DIP2C: variants seen among roughly 807,000 people sequenced by gnomAD.
DIP2C encodes DIP2 acetate--CoA ligase C (putative), also known as disco-interacting protein 2 homolog C.
Under a neutral mutation model 192.4 loss-of-function variants are expected in DIP2C, and 33 were observed. That is an observed-to-expected ratio of 0.17 (90% CI 0.13 to 0.23). The LOEUF is 0.23. DIP2C is among the 10% of genes least tolerant of loss of function. DIP2C has a pLI of 1.00. For synonymous variants in DIP2C, 979 were observed against 864.1 expected, an observed-to-expected ratio of 1.13 and a Z score of -2.33; for missense variants, 1,537 against 2,110.1, an observed-to-expected ratio of 0.73 and a Z score of 5.32.
intron 24 of DIP2C, among the ~76,000 whole-genome samples, chr10:350,382 T>C (rs1958732432): frequency 6.6e-6 from 1 of 152,222 alleles, no homozygotes; most frequent in East Asian, 1.9e-4. Context: ...AATTACAAAT[T>C]ATAAGCACGT....
intron 33 of DIP2C, among the ~76,000 whole-genome samples, chr10:286,588 A>T (rs1955148712): frequency 6.6e-6 from 1 of 152,210 alleles, no homozygotes; most frequent in Non-Finnish European, 1.5e-5. Flanking sequence ...TGACCTCAAA[A>T]TTAAACATTT....
intron 3 of DIP2C, among the ~76,000 whole-genome samples, chr10:444,147 C>T (rs1967962230): frequency 6.6e-6 from 1 of 152,196 alleles, no homozygotes; most frequent in Non-Finnish European, 1.5e-5. Context: ...ATGGTGTTCC[C>T]TCAAGAGACA....
At chr10:624,877 G>A (rs1280278797) in intron 1 of DIP2C, among the ~76,000 whole-genome samples, 2 of 152,102 alleles carry the variant, frequency 1.3e-5, no homozygotes, top group Middle Eastern at 3.2e-3. Flanking sequence ...GGAGAACCCG[G>A]GGGGGGAGCC....
At chr10:386,448 C>T (rs1035966141) in intron 14 of DIP2C, among the ~76,000 whole-genome samples, 1 of 152,188 alleles carries the variant, frequency 6.6e-6, no homozygotes, top group African/African-American at 2.4e-5. Flanking sequence ...TGCACCAGCA[C>T]ATAACGGTGC....
intron 19 of DIP2C, among the ~76,000 whole-genome samples, chr10:365,699 T>C (rs1456050112): frequency 6.6e-6 from 1 of 152,226 alleles, no homozygotes; most frequent in Non-Finnish European, 1.5e-5. Flanking sequence ...GAGCCCTTCA[T>C]TACACAGCAC....
chr10:518,442 C>T (rs1478218633), intron 1 of DIP2C, among the ~76,000 whole-genome samples: 2 of 152,238 alleles, frequency 1.3e-5, no homozygotes, highest in East Asian at 1.9e-4. Context: ...CCCCCAGAAA[C>T]GCACAGGTTG....
At chr10:407,007 T>TC (rs2133062260) in intron 9 of DIP2C, among the ~76,000 whole-genome samples, 1 of 151,960 alleles carries the variant, frequency 6.6e-6, no homozygotes, top group South Asian at 2.1e-4. Context: ...ACTCCCCACT[T>TC]CCCAAGCCCT....
At chr10:658,128 G>C (rs1308525290) in intron 1 of DIP2C, among the ~76,000 whole-genome samples, 16 of 122,196 alleles carry the variant, frequency 1.3e-4, no homozygotes, top group East Asian at 5.1e-4. Flanking sequence ...TGGACCTGCC[G>C]CTGGACCTGT....
chr10:376,292 G>A (rs958908967), intron 17 of DIP2C, among the ~76,000 whole-genome samples: 19 of 141,062 alleles, frequency 1.3e-4, no homozygotes, highest in East Asian at 2.1e-4. Flanking sequence ...GGCCCACCTC[G>A]GCCCCCGACG....
intron 3 of DIP2C, among the ~76,000 whole-genome samples, chr10:456,791 C>T (rs1435194399): frequency 2.6e-5 from 4 of 152,162 alleles, no homozygotes; most frequent in African/African-American, 9.7e-5. Context: ...TCCACCGTTT[C>T]GTTCTTTGGT....
chr10:336,139 T>C (rs952738850), intron 29 of DIP2C, among the ~76,000 whole-genome samples: 8 of 151,672 alleles, frequency 5.3e-5, no homozygotes, highest in African/African-American at 1.9e-4. Flanking sequence ...GAGGCTGAGG[T>C]GGGAGGATAG....
intron 5 of DIP2C, among the ~76,000 whole-genome samples, chr10:421,446 G>T (rs1439186779): frequency 6.6e-6 from 1 of 152,106 alleles, no homozygotes; most frequent in Non-Finnish European, 1.5e-5. Flanking sequence ...TGGCCTCCCC[G>T]TTCAGGTGCC....
chr10:571,012 T>C (rs1588484472), intron 1 of DIP2C, among the ~76,000 whole-genome samples: 1 of 152,094 alleles, frequency 6.6e-6, no homozygotes, highest in Admixed American at 6.5e-5. Context: ...CCCAGCGCCC[T>C]GGGCTGCGGC....
intron 17 of DIP2C, among the ~76,000 whole-genome samples, chr10:374,423 A>T (rs1961329290): frequency 6.6e-6 from 1 of 152,226 alleles, no homozygotes; most frequent in African/African-American, 2.4e-5. Context: ...TTATATATTT[A>T]ATGACCTATT....
At chr10:339,121 A>G (rs936863095) in intron 29 of DIP2C, among the ~76,000 whole-genome samples, 2 of 151,894 alleles carry the variant, frequency 1.3e-5, no homozygotes, top group African/African-American at 4.8e-5. Flanking sequence ...TTACACCCCC[A>G]GGGCCTCTTC....
chr10:631,594 G>A (rs967286833), intron 1 of DIP2C, among the ~76,000 whole-genome samples: 2 of 152,116 alleles, frequency 1.3e-5, no homozygotes, highest in African/African-American at 2.4e-5. Context: ...TTTAATGGGT[G>A]AACCCTGAAA....
chr10:639,845 G>C (rs1855066028), intron 1 of DIP2C, among the ~76,000 whole-genome samples: 1 of 152,190 alleles, frequency 6.6e-6, no homozygotes, highest in Non-Finnish European at 1.5e-5. Context: ...ACGAAAAGAA[G>C]GAAAATCACA....
At chr10:572,360 A>C (rs1166385342) in intron 1 of DIP2C, among the ~76,000 whole-genome samples, 2 of 152,204 alleles carry the variant, frequency 1.3e-5, no homozygotes, top group African/African-American at 4.8e-5. Flanking sequence ...CCTGAGCGCC[A>C]CAAAAATTCA....
At chr10:518,419 CCA>C (rs1163054114) in intron 1 of DIP2C, among the ~76,000 whole-genome samples, 1 of 152,246 alleles carries the variant, frequency 6.6e-6, no homozygotes, top group African/African-American at 2.4e-5. Context: ...TGCTCAGTGT[CCA>C]CACAGGCTTT....
Sources: gnomAD v4.1 joint callset for allele counts (sites outside exome capture counted in the v4.1 genomes callset) on GRCh38, gnomAD v4.1.1 for gene constraint, MANE v1.5 for transcripts, NCBI Gene and HGNC (gene_info 2026-07-23, HGNC 2026-07-21) for gene names.